The following RGS5 variants were observed in gnomAD, a reference collection of about 807,000 sequenced individuals.
RGS5 encodes the protein regulator of G-protein signalling 5.
In RGS5, 20 loss-of-function variants were observed where a neutral mutation model predicts 18.9. That is an observed-to-expected ratio of 1.06 (90% CI 0.74 to 1.54). The LOEUF is 1.54. RGS5 is among the 40% of genes most tolerant of loss of function. The pLI is 0.00. For synonymous variants in RGS5, 57 were observed against 76.2 expected, an observed-to-expected ratio of 0.75 and a Z score of 1.31; for missense variants, 201 against 211.8, an observed-to-expected ratio of 0.95 and a Z score of 0.32.
chr1:163,242,481 T>G (rs1051597212), intron 2 of RGS5, among the ~76,000 whole-genome samples: 1 of 152,224 alleles, frequency 6.6e-6, no homozygotes, highest in Non-Finnish European at 1.5e-5. Flanking sequence ...AAATGAGTAT[T>G]ATGCTCTAAG....
intron 2 of RGS5, among the ~76,000 whole-genome samples, chr1:163,275,992 T>C (rs941523204): frequency 1.3e-5 from 2 of 151,794 alleles, no homozygotes; most frequent in Non-Finnish European, 2.9e-5. Flanking sequence ...CCTGCATTAT[T>C]CTGTGGCACA....
chr1:163,202,678 G>T, intron 1 of RGS5, 114 bp downstream of exon 1: 1 of 828,942 alleles, frequency 1.2e-6, no homozygotes. Context: ...TCAAGCACCT[G>T]TTTCACCTCA....
In RGS5 at chr1:163,209,011, T is replaced by C. The variant is rs562155645; in HGVS notation, c.69+8515A>G. 6.6e-5 allele frequency among the ~76,000 whole-genome samples: 10 copies of C among 152,260 alleles called. No homozygotes were observed. In the East Asian group the frequency reaches 1.3e-3, roughly 21 times the overall value. On this transcript the variant is annotated intron_variant, in intron 1 of 5. Coordinates refer to the RGS5 transcript ENST00000367903. ...CTTCTTCTCAAATACCTATGAAATA[T>C]TCACAGAAAATTAGGATATAACAAT... is the stretch of plus-strand genomic sequence containing the variant.
At chr1:163,242,884 G>A (rs899090494) in intron 2 of RGS5, among the ~76,000 whole-genome samples, 1 of 152,178 alleles carries the variant, frequency 6.6e-6, no homozygotes, top group Non-Finnish European at 1.5e-5. Context: ...CTGCAAAGCA[G>A]TATTCGTTAG....
At chr1:163,283,469 T>A (rs1007999172) in intron 2 of RGS5, among the ~76,000 whole-genome samples, 2 of 152,202 alleles carry the variant, frequency 1.3e-5, no homozygotes, top group Non-Finnish European at 2.9e-5. Flanking sequence ...CTTATGATTA[T>A]GATAATAGTA....
chr1:163,290,805 A>G (rs565726697), intron 2 of RGS5, among the ~76,000 whole-genome samples: 2 of 152,318 alleles, frequency 1.3e-5, no homozygotes, highest in Admixed American at 1.3e-4. Flanking sequence ...ATTTGATATT[A>G]TATGAGATCA....
chr1:163,306,502 T>C (rs930947547), intron 1 of RGS5, among the ~76,000 whole-genome samples: 1 of 152,208 alleles, frequency 6.6e-6, no homozygotes, highest in African/African-American at 2.4e-5. Context: ...TCAGGCTATT[T>C]ATATAGATCC....
chr1:163,310,963 A>G (rs1649842697), intron 1 of RGS5, among the ~76,000 whole-genome samples: 2 of 152,226 alleles, frequency 1.3e-5, no homozygotes, highest in South Asian at 2.1e-4. Context: ...TAAAACCGTC[A>G]GATCTCATGA....
intron 1 of RGS5, among the ~76,000 whole-genome samples, chr1:163,186,299 T>C (rs1008821999): frequency 6.6e-6 from 1 of 151,876 alleles, no homozygotes; most frequent in Non-Finnish European, 1.5e-5. Flanking sequence ...TTGAACTCCT[T>C]ACCTCGTGAT....
At chr1:163,220,026 C>A (rs189230454), upstream of RGS5, among the ~76,000 whole-genome samples, 226 of 152,250 alleles carry the variant, frequency 1.5e-3, no homozygotes, top group Non-Finnish European at 2.1e-3. Flanking sequence ...ACATTCCCAT[C>A]AGCAATCTAT....
chr1:163,318,380 G>A (rs1650085231), intron 1 of RGS5, among the ~76,000 whole-genome samples: 1 of 152,164 alleles, frequency 6.6e-6, no homozygotes, highest in African/African-American at 2.4e-5. Context: ...CATTCTGGCT[G>A]CTACTTACAA....
intron 1 of RGS5, among the ~76,000 whole-genome samples, chr1:163,213,975 G>C (rs1310038123): frequency 2.6e-5 from 4 of 152,110 alleles, no homozygotes; most frequent in African/African-American, 9.7e-5. Context: ...AACTGATCAA[G>C]TAACCCCATT....
chr1:163,220,741 G>T (rs1269825444), upstream of RGS5, among the ~76,000 whole-genome samples: 1 of 152,158 alleles, frequency 6.6e-6, no homozygotes, highest in East Asian at 1.9e-4. Context: ...TAAGAATCTT[G>T]AGATGGGGAA....
chr1:163,282,472 G>A (rs1649019946), intron 2 of RGS5, among the ~76,000 whole-genome samples: 1 of 149,074 alleles, frequency 6.7e-6, no homozygotes, highest in Non-Finnish European at 1.5e-5. Flanking sequence ...ACTTTGGGAG[G>A]CTGAGGCAGG....
Position 163,258,441 on chromosome 1 carries a change from C to G in RGS5, c.-281+47792G>C, listed in dbSNP as rs117501842. ...CTCATTCAGGATCCCAAAGCCAAAA[C>G]TGGTATTGTACACAGAGGCGGAAAC... On this transcript the variant is annotated intron_variant, in intron 2 of 5. Coordinates refer to the RGS5 transcript ENST00000618415. Among the ~76,000 whole-genome samples the G allele has an allele frequency of 9.2e-5, 14 of 152,220 alleles. No homozygotes were observed. In the East Asian group the frequency reaches 2.7e-3, roughly 29 times the overall value.
At chr1:163,148,949 T>TAGAG (rs1657264513) in intron 4 of RGS5, among the ~76,000 whole-genome samples, 1 of 152,250 alleles carries the variant, frequency 6.6e-6, no homozygotes, top group African/African-American at 2.4e-5. Context: ...TGGTACTGAA[T>TAGAG]AGAGCTCTTT....
intron 1 of RGS5, chr1:163,172,492 C>A: frequency 6.6e-7 from 1 of 1,513,126 alleles, no homozygotes; most frequent in Non-Finnish European, 8.9e-7. Flanking sequence ...ATCTAGAAAT[C>A]AACTATCATT....
intron 1 of RGS5, among the ~76,000 whole-genome samples, chr1:163,316,969 C>G (rs773157914): frequency 6.6e-6 from 1 of 152,126 alleles, no homozygotes; most frequent in Non-Finnish European, 1.5e-5. Context: ...TAAGAACCAG[C>G]CCTGTATAAT....
chr1:163,206,718 C>G (rs920518982), upstream of RGS5: 3 of 151,888 alleles, frequency 2.0e-5, no homozygotes, highest in African/African-American at 4.8e-5. Context: ...AAGGCACCAT[C>G]TTGGAGAAGC....
Sources: gnomAD v4.1 joint callset for allele counts (sites outside exome capture counted in the v4.1 genomes callset) on GRCh38, gnomAD v4.1.1 for gene constraint, MANE v1.5 for transcripts, NCBI Gene and HGNC (gene_info 2026-07-23, HGNC 2026-07-21) for gene names.